NUP98: variants seen among roughly 807,000 people sequenced by gnomAD.
NUP98 encodes the protein nucleoporin 98 and 96 precursor, also known as nuclear pore complex protein Nup98-Nup96.
Under a neutral mutation model 191.9 loss-of-function variants are expected in NUP98, and 26 were observed. The observed-to-expected ratio is 0.14, with a 90% CI of 0.10 to 0.19. The LOEUF is 0.19. Among genes scored for constraint, NUP98 ranks in the 10% least tolerant of loss-of-function variants. The probability of loss-of-function intolerance (pLI) is 1.00; values close to 1 mark genes in which losing one functional copy is unlikely to be tolerated. For synonymous variants in NUP98, 808 were observed against 778.4 expected (o/e 1.04, Z -0.63); for missense variants, 1,941 against 2,178.8 (o/e 0.89, Z 2.17).
intron 27 of NUP98, chr11:3,692,988 GAAGT>G (rs1168030838): frequency 1.8e-5 from 7 of 398,616 alleles, no homozygotes; most frequent in East Asian, 1.6e-4. Flanking sequence ...AATTCCCAAA[GAAGT>G]AAGACAGCAT....
intron 29 of NUP98, among the ~76,000 whole-genome samples, chr11:3,684,084 C>A (rs903819558): frequency 6.6e-6 from 1 of 151,802 alleles, no homozygotes; most frequent in Non-Finnish European, 1.5e-5. Context: ...TGGTGGCAGG[C>A]GTCTGTAATC....
At chr11:3,712,881 T>C (rs914148216) in intron 19 of NUP98, among the ~76,000 whole-genome samples, 153 bp from the exon 20 acceptor site, 1 of 152,248 alleles carries the variant, frequency 6.6e-6, no homozygotes, top group Admixed American at 6.5e-5. Flanking sequence ...ATCACACTTT[T>C]ATCTAAGATT....
At chr11:3,714,118 C>A in intron 18 of NUP98, 123 bp from the exon 19 acceptor site, 1 of 996,426 alleles carries the variant, frequency 1.0e-6, no homozygotes. Context: ...AATTATTCTG[C>A]ATGTGTCATA....
At chr11:3,696,905 G>A (rs1418784064) in intron 25 of NUP98, 2 of 152,124 alleles carry the variant, frequency 1.3e-5, no homozygotes, top group African/African-American at 4.8e-5. Flanking sequence ...CTTTACCAGA[G>A]GTTTAGCCTT....
intron 13 of NUP98, 108 bp from the exon 14 acceptor site, chr11:3,731,686 C>T: frequency 1.4e-6 from 1 of 701,492 alleles, no homozygotes; most frequent in Non-Finnish European, 2.2e-6. Flanking sequence ...CATTCACCTG[C>T]TAGATACCTG....
intron 13 of NUP98, among the ~76,000 whole-genome samples, chr11:3,732,175 G>A (rs776861392): frequency 2.8e-4 from 43 of 152,264 alleles, no homozygotes; most frequent in Non-Finnish European, 4.9e-4. Context: ...TTGAACCCAG[G>A]AGGCGGAGGT....
chr11:3,675,104 A>AT lies in NUP98; in HGVS notation c.*1054dup, dbSNP rs1335004854. On this transcript the variant is annotated 3_prime_UTR_variant, in exon 33 of 33. Coordinates refer to ENST00000324932, the MANE Select transcript of NUP98 (RefSeq NM_016320.5). ...AGATCATTTATTTATACATATATAT[A>AT]TTTTTTAATAAAAACCTTTACATTA... 2 of 182,492 alleles carry AT rather than the reference A, an allele frequency of 1.1e-5. No individual in the cohort carries two copies. The highest frequency in any genetic ancestry group is 4.7e-5 in the African/African-American group (2 of 42,444). The allele number at this position is 182,492 out of a possible 1,614,324, so 11.3% of individuals were successfully genotyped here.
intron 15 of NUP98, 75 bp from the exon 16 acceptor site, chr11:3,723,530 C>G: frequency 7.8e-7 from 1 of 1,278,134 alleles, no homozygotes; most frequent in Non-Finnish European, 1.1e-6. Flanking sequence ...TAATACCGAG[C>G]CTTTACTAAG....
intron 14 of NUP98, among the ~76,000 whole-genome samples, chr11:3,726,374 C>G (rs1318849457): frequency 6.6e-6 from 1 of 150,886 alleles, no homozygotes; most frequent in Non-Finnish European, 1.5e-5. Context: ...GAAACAATCA[C>G]AGGAGCGAGA....
In NUP98 at chr11:3,782,080, C is replaced by A; in HGVS notation, c.38G>T (p.Gly13Val). 6.2e-7 allele frequency: 1 copy of A among 1,612,516 alleles called. No individual in the cohort carries two copies. The highest frequency in any genetic ancestry group is 2.2e-5 in the East Asian group (1 of 44,754). ...NKSFGTPFGG[G>V]TGGFGTTSTF... Reference sequence around the variant, plus strand: ...TGAAGTTGTGCCAAAGCCACCTGTGCCACCCCCAAAGGGTGTTCCAAATGA... The same window carrying A: ...TGAAGTTGTGCCAAAGCCACCTGTGACACCCCCAAAGGGTGTTCCAAATGA... The change falls in exon 2 of 33, where the codon GGC becomes GTC. Residue 13 changes from glycine to valine, a missense_variant. Physicochemically the swap from Gly to Val is moderately radical, Grantham distance 109. This residue lies in a region of NUP98 where 154 missense variants were observed against 182.9 expected (regional missense o/e 0.84). Transcript: ENST00000324932.
At chr11:3,793,549 G>A (rs535767830) in intron 1 of NUP98, among the ~76,000 whole-genome samples, 1 of 151,956 alleles carries the variant, frequency 6.6e-6, no homozygotes, top group African/African-American at 2.4e-5. Flanking sequence ...GCCTCCCAAA[G>A]TGCTGGATTA....
chr11:3,739,319 G>C (rs776006566), intron 12 of NUP98, among the ~76,000 whole-genome samples: 1 of 152,050 alleles, frequency 6.6e-6, no homozygotes, highest in Non-Finnish European at 1.5e-5. Context: ...GCGCGATCTC[G>C]GCTCACTGCA....
chr11:3,680,588 C>A (rs922384652), intron 30 of NUP98, among the ~76,000 whole-genome samples: 3 of 152,218 alleles, frequency 2.0e-5, no homozygotes, highest in Non-Finnish European at 4.4e-5. Flanking sequence ...CTCACTCAGG[C>A]TGGAGCACAG....
rs1260962327 is a variant in NUP98 at position 3,725,098 on chromosome 11, T to C, written c.1847+5A>G. On this transcript the variant is annotated splice_donor_5th_base_variant and intron_variant, in intron 15 of 32. Transcript: ENST00000324932. Reference sequence around the variant, plus strand: ...AAGAAGAACTCAAAACAGAATTCAGTGTACCTCTCTCCATTTTCTGGATAT... The same window carrying C: ...AAGAAGAACTCAAAACAGAATTCAGCGTACCTCTCTCCATTTTCTGGATAT... 1 of 1,278,428 alleles carries C rather than the reference T, an allele frequency of 7.8e-7. No individual in the cohort carries two copies. The highest frequency in any genetic ancestry group is 2.3e-5 in the East Asian group (1 of 43,188). 79.2% of individuals were successfully genotyped at this position (1,278,428 alleles called of 1,614,324 possible).
At chr11:3,766,304 CGGA>C (rs1389152587) in intron 8 of NUP98, among the ~76,000 whole-genome samples, 4 of 151,978 alleles carry the variant, frequency 2.6e-5, no homozygotes, top group Non-Finnish European at 5.9e-5. Context: ...GCCCAGGAGG[CGGA>C]GGACGCAGTG....
chr11:3,690,881 G>GA (rs1361646079), intron 28 of NUP98, among the ~76,000 whole-genome samples: 2 of 151,718 alleles, frequency 1.3e-5, no homozygotes, highest in South Asian at 2.1e-4. Context: ...ATATAAACAT[G>GA]AAAAAAAATC....
At chr11:3,711,526 G>C (rs533093148) in intron 20 of NUP98, 161 of 152,760 alleles carry the variant, frequency 1.1e-3, no homozygotes, top group Admixed American at 3.1e-3. Context: ...TATTACTTTT[G>C]TTACAGAAAA....
intron 1 of NUP98, among the ~76,000 whole-genome samples, chr11:3,789,636 C>G (rs1448310546): frequency 6.6e-6 from 1 of 151,672 alleles, no homozygotes; most frequent in Admixed American, 6.6e-5. Context: ...CCACTTTAGC[C>G]TCCCAAAAAG....
intron 13 of NUP98, among the ~76,000 whole-genome samples, chr11:3,731,967 T>C (rs1589829804): frequency 6.6e-6 from 1 of 152,352 alleles, no homozygotes; most frequent in East Asian, 1.9e-4. Flanking sequence ...GGAGGCATTA[T>C]CTGTGTGTAT....
Sources: gnomAD v4.1 joint callset for allele counts (sites outside exome capture counted in the v4.1 genomes callset) on GRCh38, gnomAD v4.1.1 for gene constraint, gnomAD v4.1.1 regional missense constraint, MANE v1.5 for transcripts, NCBI Gene and HGNC (gene_info 2026-07-23, HGNC 2026-07-21) for gene names.